RPS6KC1: variants seen among roughly 807,000 people sequenced by gnomAD.
RPS6KC1 encodes the protein inactive ribosomal protein S6 kinase delta-1.
In RPS6KC1, 54 loss-of-function variants were observed where a neutral mutation model predicts 103.8. That is an observed-to-expected ratio of 0.52 (90% confidence interval 0.42 to 0.65). The LOEUF is 0.65. Ranked by LOEUF, RPS6KC1 falls within the 30% of genes least tolerant of loss-of-function variation. The pLI, the probability that RPS6KC1 is intolerant of heterozygous loss-of-function variation, is 0.00. For synonymous variants in RPS6KC1, 439 were observed against 438.7 expected (o/e 1.00, Z -0.01); for missense variants, 1,151 against 1,253.8 (o/e 0.92, Z 1.24).
At chr1:213,812,182 G>A in the RPS6KC1 span, among the ~76,000 whole-genome samples, 1 of 151,942 alleles carries the variant, frequency 6.6e-6, no homozygotes, top group African/African-American at 2.4e-5. Flanking sequence ...AGAGGGAGAA[G>A]TGAAGGAAAA....
the RPS6KC1 span, among the ~76,000 whole-genome samples, chr1:213,729,387 C>T: frequency 6.6e-6 from 1 of 152,254 alleles, no homozygotes; most frequent in African/African-American, 2.4e-5. Flanking sequence ...TACTTCCCTC[C>T]ATTTATGGCT....
chr1:213,560,169 T>C, the RPS6KC1 span, among the ~76,000 whole-genome samples: 1 of 152,204 alleles, frequency 6.6e-6, no homozygotes, highest in East Asian at 1.9e-4. Flanking sequence ...ACATACCTTC[T>C]TCCAATTATT....
the RPS6KC1 span, among the ~76,000 whole-genome samples, chr1:213,449,488 C>T: frequency 1.6e-4 from 24 of 152,252 alleles, no homozygotes; most frequent in Admixed American, 7.8e-4. Context: ...TCTGTGTGCT[C>T]CTAGTGTCTC....
At chr1:213,571,340 C>G in the RPS6KC1 span, among the ~76,000 whole-genome samples, 7 of 152,148 alleles carry the variant, frequency 4.6e-5, no homozygotes, top group Admixed American at 3.9e-4. Context: ...GAACTTACAT[C>G]TGGGAAGGGA....
the RPS6KC1 span, among the ~76,000 whole-genome samples, chr1:213,684,603 G>T: frequency 1.3e-5 from 2 of 152,178 alleles, no homozygotes; most frequent in Non-Finnish European, 2.9e-5. Context: ...TGTGATTTTG[G>T]TGGACTGACC....
chr1:213,567,775 G>A, the RPS6KC1 span, among the ~76,000 whole-genome samples: 1 of 152,216 alleles, frequency 6.6e-6, no homozygotes, highest in African/African-American at 2.4e-5. Flanking sequence ...GCTAGTAATT[G>A]TAATGGAGTT....
chr1:213,446,258 C>A, the RPS6KC1 span, among the ~76,000 whole-genome samples: 3 of 152,322 alleles, frequency 2.0e-5, no homozygotes, highest in East Asian at 5.8e-4. Flanking sequence ...TCCAGGCAAG[C>A]CTTTGCCCAC....
the RPS6KC1 span, among the ~76,000 whole-genome samples, chr1:213,351,991 T>TTTTCTTTG: frequency 6.6e-6 from 1 of 152,130 alleles, no homozygotes; most frequent in Admixed American, 6.6e-5. Context: ...TTTTTTCTTT[T>TTTTCTTTG]TTTAATGAGG....
intron 1 of RPS6KC1, among the ~76,000 whole-genome samples, chr1:213,066,310 A>G (rs1252976630): frequency 6.6e-6 from 1 of 152,234 alleles, no homozygotes; most frequent in Non-Finnish European, 1.5e-5. Flanking sequence ...AGGGAAGTAT[A>G]ACCCTGTGCT....
the RPS6KC1 span, among the ~76,000 whole-genome samples, chr1:213,376,084 CTGTGTGTGTGTGTG>C: frequency 2.0e-3 from 279 of 140,330 alleles, 2 homozygotes; most frequent in East Asian, 0.027. Flanking sequence ...CTCGTGACAA[CTGTGTGTGTGTGTG>C]TGTGTGTGTG....
chr1:213,751,563 G>A, the RPS6KC1 span, among the ~76,000 whole-genome samples: 1 of 152,086 alleles, frequency 6.6e-6, no homozygotes, highest in African/African-American at 2.4e-5. Context: ...ATGTGGACAG[G>A]GCTGGTGGAG....
At chr1:213,348,214 G>T in the RPS6KC1 span, among the ~76,000 whole-genome samples, 1 of 152,292 alleles carries the variant, frequency 6.6e-6, no homozygotes, top group East Asian at 1.9e-4. Context: ...CCCCAGAGAC[G>T]ATATTTTCTA....
At chr1:213,769,355 A>T in the RPS6KC1 span, among the ~76,000 whole-genome samples, 1 of 151,862 alleles carries the variant, frequency 6.6e-6, no homozygotes, top group African/African-American at 2.4e-5. Flanking sequence ...ATAGTATGGG[A>T]GGAGACCCAG....
the RPS6KC1 span, among the ~76,000 whole-genome samples, chr1:213,292,684 T>C: frequency 6.6e-6 from 1 of 152,204 alleles, no homozygotes; most frequent in Admixed American, 6.5e-5. Context: ...TTACCACTTA[T>C]GATAGACAGT....
At position 213,099,845 on chromosome 1, in the gene RPS6KC1, A is replaced by G. The variant is rs117083214; in HGVS notation, c.263-4609A>G. On this transcript the variant is annotated intron_variant, in intron 3 of 14. Transcript: ENST00000366960. ...GGTTCATTCCTTGTTATTGCTGTTT[A>G]GTTTAAATGTACCACAGTCTGTTTA... 3.9e-5 allele frequency among the ~76,000 whole-genome samples: 6 copies of G among 152,282 alleles called. No homozygotes were observed. The East Asian group carries it at 1.2e-3, about 29-fold the overall frequency.
At chr1:213,643,106 GA>G in the RPS6KC1 span, among the ~76,000 whole-genome samples, 1 of 151,660 alleles carries the variant, frequency 6.6e-6, no homozygotes, top group Non-Finnish European at 1.5e-5. Context: ...ATGGGTCAAG[GA>G]CTTCTTTGAC....
At chr1:213,109,565 T>C (rs888720835) in intron 4 of RPS6KC1, among the ~76,000 whole-genome samples, 5 of 152,358 alleles carry the variant, frequency 3.3e-5, no homozygotes, top group Middle Eastern at 3.4e-3. Context: ...TGTTTTTTTT[T>C]CCATGTAGTA....
the RPS6KC1 span, among the ~76,000 whole-genome samples, chr1:213,785,746 A>G: frequency 6.6e-6 from 1 of 152,146 alleles, no homozygotes; most frequent in African/African-American, 2.4e-5. Context: ...ATTACTTACT[A>G]GGAAGCAATG....
chr1:213,627,517 G>C, the RPS6KC1 span, among the ~76,000 whole-genome samples: 1 of 152,098 alleles, frequency 6.6e-6, no homozygotes, highest in Non-Finnish European at 1.5e-5. Flanking sequence ...CAAAGGGAAT[G>C]CTTCCAGTTT....
Sources: gnomAD v4.1 joint callset for allele counts (sites outside exome capture counted in the v4.1 genomes callset) on GRCh38, gnomAD v4.1.1 for gene constraint, MANE v1.5 for transcripts, NCBI Gene and HGNC (gene_info 2026-07-23, HGNC 2026-07-21) for gene names.